The following LRP1B variants were observed in gnomAD, a reference collection of about 807,000 sequenced individuals.
LRP1B encodes the protein low-density lipoprotein receptor-related protein 1B.
LRP1B carries 217 observed loss-of-function variants against 556.6 expected under a neutral mutation model. The observed-to-expected ratio is 0.39, with a 90% CI of 0.35 to 0.44. The LOEUF (loss-of-function observed/expected upper bound fraction) is 0.44. Ranked by LOEUF, LRP1B falls within the 20% of genes least tolerant of loss-of-function variation. The probability of loss-of-function intolerance (pLI) is 1.00; values close to 1 mark genes in which losing one functional copy is unlikely to be tolerated. For missense variants in LRP1B, 5,053 were observed against 5,620.8 expected, an observed-to-expected ratio of 0.90 and a Z score of 3.23; for synonymous variants, 2,047 against 1,865.8, an observed-to-expected ratio of 1.10 and a Z score of -2.50.
At chr2:141,696,003 T>G (rs1691722728) in intron 2 of LRP1B, among the ~76,000 whole-genome samples, 1 of 152,010 alleles carries the variant, frequency 6.6e-6, no homozygotes, top group South Asian at 2.1e-4. Context: ...AAAAAAATCT[T>G]GTATATCAAA....
intron 1 of LRP1B, among the ~76,000 whole-genome samples, chr2:141,980,060 C>A (rs984337297): frequency 6.6e-6 from 1 of 152,052 alleles, no homozygotes; most frequent in African/African-American, 2.4e-5. Flanking sequence ...CATTGAATAT[C>A]CTAAATTACT....
intron 85 of LRP1B, among the ~76,000 whole-genome samples, chr2:140,273,436 T>A (rs1300400647): frequency 3.3e-5 from 5 of 152,052 alleles, no homozygotes; most frequent in African/African-American, 1.2e-4. Flanking sequence ...AATATCCCAA[T>A]TTTGCAGGTT....
intron 22 of LRP1B, 59 bp from the exon 23 acceptor site, chr2:140,903,224 T>C: frequency 6.4e-7 from 1 of 1,557,316 alleles, no homozygotes; most frequent in Non-Finnish European, 8.7e-7. Flanking sequence ...AGTTAAATAC[T>C]AATCATTGAA....
At chr2:141,379,570 C>A (rs1559039218) in intron 3 of LRP1B, among the ~76,000 whole-genome samples, 2 of 152,082 alleles carry the variant, frequency 1.3e-5, no homozygotes, top group Non-Finnish European at 2.9e-5. Context: ...TGATCATAAA[C>A]CTCACCCTCA....
chr2:141,942,830 G>T (rs553722523), intron 1 of LRP1B, among the ~76,000 whole-genome samples: 2 of 152,274 alleles, frequency 1.3e-5, no homozygotes, highest in African/African-American at 4.8e-5. Flanking sequence ...TCCTACAGGG[G>T]AATGCCTTGC....
intron 6 of LRP1B, among the ~76,000 whole-genome samples, chr2:141,191,138 T>G (rs552581775): frequency 6.6e-6 from 1 of 151,968 alleles, no homozygotes; most frequent in African/African-American, 2.4e-5. Flanking sequence ...AACTTTCTAC[T>G]CTTCATCATA....
At chr2:141,546,210 C>T (rs2105221717) in intron 2 of LRP1B, among the ~76,000 whole-genome samples, 1 of 152,194 alleles carries the variant, frequency 6.6e-6, no homozygotes, top group South Asian at 2.1e-4. Context: ...TGCAGCTGAA[C>T]CCACTCACGA....
In LRP1B at chr2:140,775,452, A is replaced by T. The variant is rs982858009; in HGVS notation, c.5500+646T>A. 4.7e-3 allele frequency among the ~76,000 whole-genome samples: 641 copies of T among 135,836 alleles called. 7 individuals carry two copies. Among genetic ancestry groups the T allele is most frequent in the Non-Finnish European group, 7.4e-3 (475 of 63,868 alleles). The allele number at this position is 135,836 out of a possible 152,430, so 89.1% of individuals were successfully genotyped here. A position where few individuals can be genotyped will look rare whatever the true frequency, so the allele number is the denominator to read the frequency against. On this transcript the variant is annotated intron_variant, in intron 33 of 90. Transcript: ENST00000389484. ...AGACTAATGTATGAAAGTACAGTATATTTTTTTTTGGTTGATTTTTTTTTT... is the reference window on the plus strand; with the variant it reads ...AGACTAATGTATGAAAGTACAGTATTTTTTTTTTTGGTTGATTTTTTTTTT...
At chr2:141,937,062 A>G (rs528854511) in intron 1 of LRP1B, among the ~76,000 whole-genome samples, 162 of 140,238 alleles carry the variant, frequency 1.2e-3, no homozygotes, top group Non-Finnish European at 1.6e-3. Flanking sequence ...AGTAACCTTA[A>G]AGTAAATTTG....
chr2:141,003,819 T>C (rs1697493431), intron 15 of LRP1B, among the ~76,000 whole-genome samples: 2 of 152,082 alleles, frequency 1.3e-5, no homozygotes, highest in African/African-American at 4.8e-5. Context: ...CAAACTGTAT[T>C]ACAAAATGCC....
intron 41 of LRP1B, among the ~76,000 whole-genome samples, chr2:140,662,750 A>C (rs1685140229): frequency 6.6e-6 from 1 of 152,164 alleles, no homozygotes; most frequent in African/African-American, 2.4e-5. Flanking sequence ...TTCAAGTAAA[A>C]TTCATGAAAC....
At chr2:141,859,272 G>A (rs1048462072) in intron 1 of LRP1B, among the ~76,000 whole-genome samples, 1 of 152,042 alleles carries the variant, frequency 6.6e-6, no homozygotes, top group African/African-American at 2.4e-5. Flanking sequence ...CACACTACCT[G>A]GGATAAGATA....
chr2:141,332,869 C>T (rs760271096), intron 3 of LRP1B, among the ~76,000 whole-genome samples: 2 of 150,624 alleles, frequency 1.3e-5, no homozygotes, highest in Non-Finnish European at 3.0e-5. Flanking sequence ...ACAGTAAAGT[C>T]AGAGATTTAC....
chr2:140,985,340 A>G (rs917959284), intron 17 of LRP1B, among the ~76,000 whole-genome samples: 38 of 151,110 alleles, frequency 2.5e-4, no homozygotes, highest in African/African-American at 9.0e-4. Context: ...TTTTAAATAC[A>G]TTAGGGTTTT....
intron 1 of LRP1B, among the ~76,000 whole-genome samples, chr2:141,937,597 A>T (rs756324808): frequency 6.6e-6 from 1 of 151,714 alleles, no homozygotes; most frequent in Non-Finnish European, 1.5e-5. Context: ...GTGAGTGTTT[A>T]ACTTGAAAAA....
At chr2:142,126,317 C>T (rs973082611) in intron 1 of LRP1B, among the ~76,000 whole-genome samples, 12 of 150,848 alleles carry the variant, frequency 8.0e-5, no homozygotes, top group Non-Finnish European at 1.8e-4. Flanking sequence ...TTTTCAAAAG[C>T]AAAAGTTTCA....
chr2:142,105,414 A>G (rs1388524376), intron 1 of LRP1B, among the ~76,000 whole-genome samples: 1 of 152,162 alleles, frequency 6.6e-6, no homozygotes, highest in African/African-American at 2.4e-5. Context: ...ATCCCATTAA[A>G]TAGGGCTAGA....
chr2:141,395,103 T>C (rs1207122784), intron 3 of LRP1B, among the ~76,000 whole-genome samples: 2 of 152,142 alleles, frequency 1.3e-5, no homozygotes, highest in East Asian at 3.8e-4. Context: ...ATAGCTGTTG[T>C]AACCTCATTT....
chr2:140,814,438 T>C (rs758668421), intron 31 of LRP1B, among the ~76,000 whole-genome samples: 8 of 152,186 alleles, frequency 5.3e-5, no homozygotes, highest in Admixed American at 1.3e-4. Context: ...TCTGTGTTCA[T>C]AGCTAGTTAG....
Sources: allele counts gnomAD v4.1 joint callset (sites outside exome capture counted in the v4.1 genomes callset), GRCh38; gene constraint gnomAD v4.1.1; transcripts MANE v1.5; gene names NCBI Gene and HGNC (gene_info 2026-07-23, HGNC 2026-07-21).